MERTK: variants seen among roughly 807,000 people sequenced by gnomAD.
MERTK encodes tyrosine-protein kinase Mer.
Under a neutral mutation model 99.3 loss-of-function variants are expected in MERTK, and 69 were observed. The observed-to-expected ratio is 0.70, with a 90% CI of 0.57 to 0.85. MERTK has a LOEUF of 0.85. Among genes scored for constraint, MERTK ranks in the 40% least tolerant of loss-of-function variants. The pLI, the probability that MERTK is intolerant of heterozygous loss-of-function variation, is 0.00. For synonymous variants in MERTK, 426 were observed against 467.6 expected (o/e 0.91, Z 1.15); for missense variants, 1,125 against 1,249.4 (o/e 0.90, Z 1.50).
intron 6 of MERTK, among the ~76,000 whole-genome samples, chr2:111,973,197 A>G (rs1558792395): frequency 6.6e-6 from 1 of 152,188 alleles, no homozygotes; most frequent in Admixed American, 6.5e-5. Context: ...GCTCTCAGAC[A>G]GTGTCCCTGA....
chr2:111,975,699 A>T (rs1279343118), intron 7 of MERTK, among the ~76,000 whole-genome samples: 1 of 152,190 alleles, frequency 6.6e-6, no homozygotes, highest in Non-Finnish European at 1.5e-5. Flanking sequence ...CTTTTCTTTT[A>T]CATAGGAGAT....
At chr2:111,904,502 A>G (rs976008729) in intron 1 of MERTK, among the ~76,000 whole-genome samples, 1 of 151,850 alleles carries the variant, frequency 6.6e-6, no homozygotes, top group Non-Finnish European at 1.5e-5. Context: ...CAGCCTCCCA[A>G]GTAGCTGGGA....
intron 1 of MERTK, among the ~76,000 whole-genome samples, chr2:111,900,354 T>A (rs1684020099): frequency 6.6e-6 from 1 of 152,228 alleles, no homozygotes; most frequent in African/African-American, 2.4e-5. Context: ...AAAGCAGTTC[T>A]GTTCTCCACT....
chr2:112,021,555 C>A lies in MERTK; in HGVS notation c.2323C>A (p.Arg775=). 6.4e-7 allele frequency: 1 copy of A among 1,550,596 alleles called. No individual in the cohort carries two copies. The highest frequency in any genetic ancestry group is 8.7e-7 in the Non-Finnish European group (1 of 1,148,232). ...GATCGCCATAGAAAGTCTTGCAGAC[C>A]GAGTCTACACAAGTAAAAGTGATGT... ...KWIAIESLAD[R]VYTSKSDVWA... The change falls in exon 17 of 19, where the codon CGA becomes AGA. Residue 775 remains arginine (R), a synonymous_variant. Transcript: ENST00000295408.
chr2:111,906,848 G>C (rs1056730853), intron 1 of MERTK, among the ~76,000 whole-genome samples: 1 of 152,206 alleles, frequency 6.6e-6, no homozygotes, highest in African/African-American at 2.4e-5. Flanking sequence ...GAACCTGCAG[G>C]GACAGCTGGG....
chr2:112,010,887 C>T (rs373751994), intron 15 of MERTK, among the ~76,000 whole-genome samples: 8 of 152,168 alleles, frequency 5.3e-5, no homozygotes, highest in Non-Finnish European at 1.2e-4. Context: ...CAAAAGGCAG[C>T]GATCCTGCGG....
At chr2:111,912,770 C>T (rs1171534969) in intron 1 of MERTK, among the ~76,000 whole-genome samples, 2 of 152,146 alleles carry the variant, frequency 1.3e-5, no homozygotes, top group African/African-American at 2.4e-5. Flanking sequence ...AGTGCCCCAT[C>T]CTCACCCTTG....
At chr2:111,995,747 C>G (rs1427041045) in intron 9 of MERTK, among the ~76,000 whole-genome samples, 1 of 152,104 alleles carries the variant, frequency 6.6e-6, no homozygotes, top group Non-Finnish European at 1.5e-5. Flanking sequence ...CTCAGGAGTT[C>G]AAGACCAGCC....
At chr2:111,905,185 C>T (rs1684114644) in intron 1 of MERTK, among the ~76,000 whole-genome samples, 1 of 152,152 alleles carries the variant, frequency 6.6e-6, no homozygotes, top group Admixed American at 6.5e-5. Context: ...TTCTTAGCCA[C>T]AGGAAGGGAG....
chr2:111,933,782 A>G (rs1684716152), intron 2 of MERTK, among the ~76,000 whole-genome samples: 1 of 152,110 alleles, frequency 6.6e-6, no homozygotes, highest in Non-Finnish European at 1.5e-5. Context: ...CAGGTTTGTT[A>G]CATAGGTATA....
chr2:111,932,573 G>C (rs1684693376), intron 2 of MERTK, among the ~76,000 whole-genome samples: 1 of 152,154 alleles, frequency 6.6e-6, no homozygotes, highest in South Asian at 2.1e-4. Context: ...AATGTTCAGG[G>C]GCACAGTAGT....
intron 4 of MERTK, chr2:111,952,010 C>CA (rs1685067553): frequency 6.6e-6 from 1 of 152,100 alleles, no homozygotes; most frequent in African/African-American, 2.4e-5. Flanking sequence ...ACAAGATGTG[C>CA]AAACTATTTT....
chr2:111,929,231 G>A lies in MERTK; in HGVS notation c.173G>A (p.Gly58Glu), dbSNP rs1291686201. ...TPLLSLPHASGYQPALMFSPT... is the reference protein window; with the variant it reads ...TPLLSLPHASEYQPALMFSPT... Reference sequence around the variant, plus strand: ...CTGTTATCCCTTCCTCACGCCAGTGGGTACCAGCCTGCCTTGATGTTTTCA... The same window carrying A: ...CTGTTATCCCTTCCTCACGCCAGTGAGTACCAGCCTGCCTTGATGTTTTCA... The change falls in exon 2 of 19, where the codon GGG (glycine) becomes GAG (glutamate). Residue 58 changes from glycine to glutamate, a missense_variant. Gly to Glu is a moderately conservative substitution (Grantham distance 98). Coordinates refer to ENST00000295408, the MANE Select transcript of MERTK (RefSeq NM_006343.3). 1 of 1,614,126 alleles carries A rather than the reference G, an allele frequency of 6.2e-7. No individual in the cohort carries two copies. Among genetic ancestry groups the A allele is most frequent in the Admixed American group, 1.7e-5 (1 of 60,016 alleles).
At chr2:111,970,388 C>T (rs1048494230) in intron 6 of MERTK, among the ~76,000 whole-genome samples, 24 of 151,696 alleles carry the variant, frequency 1.6e-4, no homozygotes, top group African/African-American at 5.3e-4. Context: ...AACTCCTGAC[C>T]TCAAGTGATC....
chr2:111,994,244 T>A lies in MERTK; in HGVS notation c.1297-7T>A, dbSNP rs1391265371. ...TTTTCATTTCCTCTCTTCCTCTCTG[T>A]CTCCAGAAAGAGCTCTTGGAGGAAG... On this transcript the variant is annotated splice_polypyrimidine_tract_variant and splice_region_variant and intron_variant, in intron 8 of 18. Coordinates refer to ENST00000295408, the MANE Select transcript of MERTK (RefSeq NM_006343.3). The A allele has an allele frequency of 6.2e-7, 1 of 1,613,668 alleles. No individual in the cohort carries two copies. The highest frequency in any genetic ancestry group is 1.1e-5 in the South Asian group (1 of 91,062).
At chr2:111,929,832 C>T (rs1390209007) in intron 2 of MERTK, among the ~76,000 whole-genome samples, 6 of 151,836 alleles carry the variant, frequency 4.0e-5, no homozygotes, top group Non-Finnish European at 7.4e-5. Context: ...AACTCCTGAC[C>T]TTGGGTGATC....
chr2:112,008,693 G>C (rs1677037230), intron 14 of MERTK: 2 of 618,896 alleles, frequency 3.2e-6, no homozygotes, highest in Non-Finnish European at 5.9e-6. Flanking sequence ...ATAGGCTCAG[G>C]AATGATTTGA....
At chr2:111,957,198 G>C in intron 4 of MERTK, among the ~76,000 whole-genome samples, 1 of 152,106 alleles carries the variant, frequency 6.6e-6, no homozygotes, top group Admixed American at 6.5e-5. Flanking sequence ...TGGGATTACA[G>C]GTGTGAGCCA....
At chr2:111,990,348 A>G (rs1676592382) in intron 8 of MERTK, among the ~76,000 whole-genome samples, 1 of 152,198 alleles carries the variant, frequency 6.6e-6, no homozygotes, top group South Asian at 2.1e-4. Flanking sequence ...CATTTATTAT[A>G]ATTCCACCCC....
Sources: gnomAD v4.1 joint callset for allele counts (sites outside exome capture counted in the v4.1 genomes callset) on GRCh38, gnomAD v4.1.1 for gene constraint, MANE v1.5 for transcripts, NCBI Gene and HGNC (gene_info 2026-07-23, HGNC 2026-07-21) for gene names.